GSK3B: variants seen among roughly 807,000 people sequenced by gnomAD.
GSK3B encodes glycogen synthase kinase 3 beta, also known as glycogen synthase kinase-3 beta.
GSK3B carries 15 observed loss-of-function variants against 56.4 expected under a neutral mutation model. The ratio of observed to expected loss-of-function variants is 0.27; its 90% CI spans 0.18 to 0.41. The LOEUF (loss-of-function observed/expected upper bound fraction) is 0.41. Ranked by LOEUF, GSK3B falls within the 10% of genes least tolerant of loss-of-function variation. The probability of loss-of-function intolerance (pLI) is 1.00; values close to 1 mark genes in which losing one functional copy is unlikely to be tolerated. For synonymous variants in GSK3B, 181 were observed against 188.9 expected, an observed-to-expected ratio of 0.96 and a Z score of 0.34; for missense variants, 300 against 513.4, an observed-to-expected ratio of 0.58 and a Z score of 4.02.
At chr3:119,875,305 A>G (rs1342893705) in intron 8 of GSK3B, among the ~76,000 whole-genome samples, 1 of 152,046 alleles carries the variant, frequency 6.6e-6, no homozygotes, top group Non-Finnish European at 1.5e-5. Context: ...GAGAGAGAGA[A>G]AGAAACATAC....
At chr3:120,077,610 C>A (rs2058378329) in intron 1 of GSK3B, among the ~76,000 whole-genome samples, 1 of 148,368 alleles carries the variant, frequency 6.7e-6, no homozygotes, top group East Asian at 2.0e-4. Context: ...TGTATCTAGG[C>A]TTTTGTTAAG....
chr3:120,050,146 T>C (rs2058136677), intron 1 of GSK3B, among the ~76,000 whole-genome samples: 1 of 152,130 alleles, frequency 6.6e-6, no homozygotes. Flanking sequence ...AACAATCCAT[T>C]ATCTCAGAAT....
chr3:119,900,446 G>A lies in GSK3B; in HGVS notation c.813+5309C>T, dbSNP rs995555230. ...GGTTTATTTTTAAATTGTTAGTTTTGTGATAGTTTAATCCAGAAATTAAAC... is the reference window on the plus strand; with the variant it reads ...GGTTTATTTTTAAATTGTTAGTTTTATGATAGTTTAATCCAGAAATTAAAC... On this transcript the variant is annotated intron_variant, in intron 7 of 10. Transcript: ENST00000264235. Among the ~76,000 whole-genome samples, 6 of 152,132 alleles carry A rather than the reference G, an allele frequency of 3.9e-5. No individual in the cohort carries two copies. In the East Asian group the frequency reaches 1.2e-3, roughly 29 times the overall value.
intron 1 of GSK3B, among the ~76,000 whole-genome samples, chr3:120,021,871 G>C (rs1304152316): frequency 6.6e-6 from 1 of 152,146 alleles, no homozygotes; most frequent in Non-Finnish European, 1.5e-5. Context: ...GGGTTTGAGA[G>C]GACTGATTCC....
chr3:120,002,082 G>A lies in GSK3B; in HGVS notation c.246C>T (p.Val82=), dbSNP rs764688787. 3.2e-5 allele frequency: 52 copies of A among 1,603,580 alleles called. No homozygotes were observed. Among genetic ancestry groups the A allele is most frequent in the Admixed American group, 5.2e-5 (3 of 57,978 alleles). The change falls in exon 2 of 11, where the codon GTC becomes GTT. Residue 82 remains valine, a synonymous_variant. Coordinates refer to ENST00000264235, the MANE Select transcript of GSK3B (RefSeq NM_001146156.2). Reference sequence around the variant, plus strand: ...TGTCCTGCAATACTTTCTTGATGGCGACCAGTTCTCCTGAATCACAAAGTT... The same window carrying A: ...TGTCCTGCAATACTTTCTTGATGGCAACCAGTTCTCCTGAATCACAAAGTT... ...QAKLCDSGEL[V]AIKKVLQDKR... is the part of the protein sequence containing the mutation.
intron 1 of GSK3B, among the ~76,000 whole-genome samples, chr3:120,032,045 C>T (rs2057980786): frequency 6.6e-6 from 1 of 152,182 alleles, no homozygotes. Flanking sequence ...TTGAATCGAA[C>T]GTTCTGAAAT....
chr3:120,081,184 C>A lies in GSK3B; in HGVS notation c.88+12163G>T, dbSNP rs1433574344. Among the ~76,000 whole-genome samples, 5 of 151,748 alleles carry A rather than the reference C, an allele frequency of 3.3e-5. No homozygotes were observed. In the East Asian group the frequency reaches 9.7e-4, roughly 29 times the overall value. ...TTTCAGAGCCACTCAGTGCTAAGCACACAGTGCAACAGAAGTGTCTGTATA... is the reference window on the plus strand; with the variant it reads ...TTTCAGAGCCACTCAGTGCTAAGCAAACAGTGCAACAGAAGTGTCTGTATA... On this transcript the variant is annotated intron_variant, in intron 1 of 10. Coordinates refer to ENST00000264235, the MANE Select transcript of GSK3B (RefSeq NM_001146156.2).
At chr3:120,028,656 C>G in intron 1 of GSK3B, 1 of 353,536 alleles carries the variant, frequency 2.8e-6, no homozygotes, top group Non-Finnish European at 5.6e-6. Flanking sequence ...TTTAATAAAT[C>G]CCACAGAGGC....
intron 5 of GSK3B, 31 bp downstream of exon 5, chr3:119,916,013 G>A: frequency 6.5e-7 from 1 of 1,547,732 alleles, no homozygotes; most frequent in Non-Finnish European, 8.9e-7. Flanking sequence ...AGGGGAAAAG[G>A]GAAGGGGCAG....
Position 119,979,371 on chromosome 3 carries a change from G to A in GSK3B, c.282+22675C>T, listed in dbSNP as rs186751106. Among the ~76,000 whole-genome samples the A allele has an allele frequency of 3.4e-4, 51 of 152,066 alleles. 1 individual carries two copies. In the East Asian group the frequency reaches 6.6e-3, roughly 20 times the overall value. On this transcript the variant is annotated intron_variant, in intron 2 of 10. Transcript: ENST00000264235. The stretch of plus-strand genomic sequence containing the variant: ...CGAAACTCCTTTTGACCCTGCAGAT[G>A]AACCCTCTCTGTATTCTTATCCCCC...
intron 1 of GSK3B, among the ~76,000 whole-genome samples, chr3:120,079,126 G>T (rs1247335415): frequency 6.6e-6 from 1 of 150,826 alleles, no homozygotes; most frequent in Non-Finnish European, 1.5e-5. Flanking sequence ...ATTTTTGGTA[G>T]AGACAGGGTT....
chr3:119,924,959 C>A (rs909764308), intron 3 of GSK3B, among the ~76,000 whole-genome samples: 1 of 152,182 alleles, frequency 6.6e-6, no homozygotes, highest in Non-Finnish European at 1.5e-5. Context: ...TCCATGTCTA[C>A]GACCAAAGAG....
intron 9 of GSK3B, among the ~76,000 whole-genome samples, chr3:119,861,525 CAAAA>C (rs1291731500): frequency 3.4e-5 from 5 of 146,134 alleles, no homozygotes; most frequent in Admixed American, 1.4e-4. Flanking sequence ...AAAAAAAAAA[CAAAA>C]CAAACAAACA....
intron 2 of GSK3B, among the ~76,000 whole-genome samples, chr3:119,959,013 A>G (rs1349132098): frequency 3.9e-5 from 6 of 152,368 alleles, no homozygotes; most frequent in Admixed American, 3.9e-4. Context: ...CCTTTGTGCT[A>G]CAACTAAGGT....
chr3:120,022,626 C>T (rs1326086304), intron 1 of GSK3B, among the ~76,000 whole-genome samples: 3 of 152,186 alleles, frequency 2.0e-5, no homozygotes, highest in African/African-American at 7.2e-5. Context: ...GAGAACCTGG[C>T]AATGCCATTC....
intron 1 of GSK3B, among the ~76,000 whole-genome samples, chr3:120,081,321 G>A (rs1267701658): frequency 6.6e-6 from 1 of 151,844 alleles, no homozygotes; most frequent in East Asian, 1.9e-4. Flanking sequence ...TTGGGAGGCG[G>A]GCGGATCACA....
chr3:120,084,833 T>G (rs1170739629), intron 1 of GSK3B, among the ~76,000 whole-genome samples: 2 of 152,222 alleles, frequency 1.3e-5, no homozygotes, highest in Non-Finnish European at 2.9e-5. Context: ...AACTTATATT[T>G]AGAGAAATAA....
intron 10 of GSK3B, chr3:119,832,841 C>A (rs1024936507): frequency 1.2e-5 from 3 of 246,522 alleles, no homozygotes. Flanking sequence ...ATCAGGTTCC[C>A]AAAAGAGTCC....
chr3:119,837,565 C>A (rs1278215665), intron 10 of GSK3B, among the ~76,000 whole-genome samples: 2 of 151,936 alleles, frequency 1.3e-5, no homozygotes, highest in South Asian at 4.1e-4. Flanking sequence ...GACCACTTCT[C>A]GGTAGATAAT....
Sources: gnomAD v4.1 joint callset for allele counts (sites outside exome capture counted in the v4.1 genomes callset) on GRCh38, gnomAD v4.1.1 for gene constraint, MANE v1.5 for transcripts, NCBI Gene and HGNC (gene_info 2026-07-23, HGNC 2026-07-21) for gene names.